Variants in CCDC171 observed in about 807,000 individuals in gnomAD.
The protein encoded by CCDC171 is coiled-coil domain containing 171.
In CCDC171, 177 loss-of-function variants were observed where a neutral mutation model predicts 168.2. The ratio of observed to expected loss-of-function variants is 1.05; its 90% CI spans 0.93 to 1.19. The LOEUF (loss-of-function observed/expected upper bound fraction) is 1.19, where lower values mean the gene tolerates loss of function less well. Ranked by LOEUF, CCDC171 falls within the 50% of genes most tolerant of loss-of-function variation. The probability of loss-of-function intolerance (pLI) is 0.00; values close to 1 mark genes in which losing one functional copy is unlikely to be tolerated. For missense variants in CCDC171, 1,991 were observed against 1,539.0 expected, an observed-to-expected ratio of 1.29 and a Z score of -4.91; for synonymous variants, 687 against 540.8, an observed-to-expected ratio of 1.27 and a Z score of -3.75.
intron 24 of CCDC171, among the ~76,000 whole-genome samples, chr9:15,912,463 T>A (rs1471645932): frequency 1.3e-5 from 2 of 152,126 alleles, no homozygotes; most frequent in African/African-American, 4.8e-5. Flanking sequence ...GACGATGGGG[T>A]TTTTTTAATA....
At chr9:15,776,670 A>G (rs566385782) in intron 18 of CCDC171, among the ~76,000 whole-genome samples, 1 of 152,340 alleles carries the variant, frequency 6.6e-6, no homozygotes, top group African/African-American at 2.4e-5. Flanking sequence ...TTTATGCCAT[A>G]GAAAACCATT....
chr9:15,740,375 C>G (rs1353230173), intron 16 of CCDC171, among the ~76,000 whole-genome samples: 1 of 127,804 alleles, frequency 7.8e-6, no homozygotes, highest in African/African-American at 3.0e-5. Flanking sequence ...CTGTTCTGTT[C>G]CATTGGTCTT....
At chr9:15,695,202 G>C (rs961152609) in intron 10 of CCDC171, 33 bp from the exon 11 acceptor site, 1 of 1,417,132 alleles carries the variant, frequency 7.1e-7, no homozygotes, top group Admixed American at 1.7e-5. Flanking sequence ...TATAATACGT[G>C]ACCTTATGTG....
At chr9:15,919,568 C>T (rs889786886) in intron 24 of CCDC171, among the ~76,000 whole-genome samples, 3 of 151,258 alleles carry the variant, frequency 2.0e-5, no homozygotes, top group Non-Finnish European at 4.4e-5. Flanking sequence ...TAATAGTATC[C>T]TGGACTTAAA....
chr9:15,893,216 G>A (rs921272355), intron 24 of CCDC171, among the ~76,000 whole-genome samples: 12 of 152,098 alleles, frequency 7.9e-5, no homozygotes, highest in Non-Finnish European at 1.5e-5. Context: ...GGTGCTGGAA[G>A]AACTGGCTAG....
At chr9:16,040,304 C>G (rs1288084059), upstream of CCDC171, among the ~76,000 whole-genome samples, 1 of 152,162 alleles carries the variant, frequency 6.6e-6, no homozygotes, top group Admixed American at 6.5e-5. Flanking sequence ...CCACACCTCC[C>G]CAGTGAAGGG....
At chr9:16,012,642 A>G (rs1480050210) in intron 3 of CCDC171, among the ~76,000 whole-genome samples, 1 of 150,770 alleles carries the variant, frequency 6.6e-6, no homozygotes, top group East Asian at 1.9e-4. Context: ...CTCTCCTTCC[A>G]TGAATACAAT....
chr9:15,966,914 A>C (rs1383550496), intron 25 of CCDC171, among the ~76,000 whole-genome samples: 1 of 149,794 alleles, frequency 6.7e-6, no homozygotes, highest in Non-Finnish European at 1.5e-5. Flanking sequence ...TATATATATA[A>C]CTGTGTATAT....
chr9:15,609,170 G>C (rs1171203202), intron 6 of CCDC171, among the ~76,000 whole-genome samples: 1 of 151,624 alleles, frequency 6.6e-6, no homozygotes, highest in Non-Finnish European at 1.5e-5. Flanking sequence ...TGTGATCTTG[G>C]CTCACTGCAA....
At chr9:15,803,269 C>T (rs147168868) in intron 21 of CCDC171, among the ~76,000 whole-genome samples, 2,624 of 152,178 alleles carry the variant, frequency 0.017, 92 homozygotes, top group African/African-American at 0.06. Context: ...TTAGTTAGAT[C>T]CCATTTGTTA....
intron 3 of CCDC171, among the ~76,000 whole-genome samples, chr9:16,001,977 C>CA (rs1423753619): frequency 6.6e-6 from 1 of 151,174 alleles, no homozygotes; most frequent in East Asian, 1.9e-4. Flanking sequence ...GCTGGGACTA[C>CA]AGGCAGGAGC....
At chr9:15,824,296 A>G (rs1166910349) in intron 21 of CCDC171, among the ~76,000 whole-genome samples, 2 of 152,008 alleles carry the variant, frequency 1.3e-5, no homozygotes, top group Admixed American at 6.6e-5. Context: ...TAAAATTTAT[A>G]TACTACACAT....
intron 25 of CCDC171, among the ~76,000 whole-genome samples, chr9:15,928,143 TAAGAC>T (rs1826093523): frequency 6.6e-6 from 1 of 151,638 alleles, no homozygotes; most frequent in Admixed American, 6.6e-5. Context: ...CAATGTGGAA[TAAGAC>T]AAATCTTTAC....
chr9:15,629,852 A>G (rs186176536), intron 7 of CCDC171, among the ~76,000 whole-genome samples: 2,800 of 152,326 alleles, frequency 0.018, 150 homozygotes, highest in Admixed American at 0.11. Flanking sequence ...TACAAGCCAG[A>G]AGAGAGTGGG....
intron 11 of CCDC171, among the ~76,000 whole-genome samples, chr9:15,707,860 T>C (rs146833982): frequency 4.6e-5 from 7 of 152,320 alleles, no homozygotes; most frequent in Non-Finnish European, 1.0e-4. Flanking sequence ...TTAATATTAT[T>C]ATTTTGAGAT....
chr9:15,910,337 T>C (rs1823437220), intron 24 of CCDC171, among the ~76,000 whole-genome samples: 1 of 152,138 alleles, frequency 6.6e-6, no homozygotes, highest in Non-Finnish European at 1.5e-5. Context: ...ATTTCCCCAG[T>C]GTATATTTTT....
At chr9:16,065,060 T>C (rs1445589232), downstream of CCDC171, among the ~76,000 whole-genome samples, 2 of 152,210 alleles carry the variant, frequency 1.3e-5, no homozygotes, top group African/African-American at 4.8e-5. Context: ...CTTAATATCT[T>C]GTGGGGGTGA....
At position 15,723,754 on chromosome 9, in the gene CCDC171, T is replaced by TC; in HGVS notation, c.1491+8_1491+9insC. The TC allele has an allele frequency of 3.0e-6, 4 of 1,322,938 alleles. No homozygotes were observed. Among genetic ancestry groups the TC allele is most frequent in the Non-Finnish European group, 4.3e-6 (4 of 936,456 alleles). 81.9% of individuals were successfully genotyped at this position (1,322,938 alleles called of 1,614,324 possible). ...CACACTAAAAATATAAAGGTATTATTTAGAATAACTTTTACCTTTTGTATT... is the reference window on the plus strand; with the variant it reads ...CACACTAAAAATATAAAGGTATTATTCTAGAATAACTTTTACCTTTTGTATT... On this transcript the variant is annotated intron_variant, in intron 13 of 25. Transcript: ENST00000380701.
chr9:15,684,632 A>C (rs961926385), intron 10 of CCDC171, among the ~76,000 whole-genome samples: 7 of 152,190 alleles, frequency 4.6e-5, no homozygotes, highest in South Asian at 2.1e-4. Flanking sequence ...GAAGGATCAT[A>C]AAAAAGAGAA....
Sources: gnomAD v4.1 joint callset for allele counts (sites outside exome capture counted in the v4.1 genomes callset) on GRCh38, gnomAD v4.1.1 for gene constraint, MANE v1.5 for transcripts, NCBI Gene and HGNC (gene_info 2026-07-23, HGNC 2026-07-21) for gene names.